The following NEGR1 variants were observed in gnomAD, a reference collection of about 807,000 sequenced individuals.
The protein encoded by NEGR1 is neuronal growth regulator 1.
Under a neutral mutation model 40.9 loss-of-function variants are expected in NEGR1, and 10 were observed. That is an observed-to-expected ratio of 0.24 (90% CI 0.15 to 0.42). The LOEUF is 0.42. Among genes scored for constraint, NEGR1 ranks in the 10% least tolerant of loss-of-function variants. The probability of loss-of-function intolerance (pLI) is 1.00; values close to 1 mark genes in which losing one functional copy is unlikely to be tolerated. For synonymous variants in NEGR1, 185 were observed against 166.8 expected (o/e 1.11, Z -0.84); for missense variants, 352 against 438.9 (o/e 0.80, Z 1.77).
At chr1:72,062,503 T>C (rs1647194421) in intron 1 of NEGR1, among the ~76,000 whole-genome samples, 1 of 151,948 alleles carries the variant, frequency 6.6e-6, no homozygotes, top group Non-Finnish European at 1.5e-5. Context: ...TCACCTAGAA[T>C]AGTGTGAAGA....
At chr1:71,897,666 C>T (rs1265330519) in intron 2 of NEGR1, among the ~76,000 whole-genome samples, 1 of 152,058 alleles carries the variant, frequency 6.6e-6, no homozygotes, top group Admixed American at 6.6e-5. Flanking sequence ...TGAAAATTTG[C>T]TAATGGTATA....
intron 1 of NEGR1, among the ~76,000 whole-genome samples, chr1:72,208,568 G>A (rs951394764): frequency 2.0e-5 from 3 of 151,422 alleles, no homozygotes; most frequent in Non-Finnish European, 4.4e-5. Flanking sequence ...CAAAAATATA[G>A]TGATTTAGAC....
intron 4 of NEGR1, among the ~76,000 whole-genome samples, chr1:71,616,181 C>T (rs549820441): frequency 6.6e-6 from 1 of 152,242 alleles, no homozygotes; most frequent in South Asian, 2.1e-4. Flanking sequence ...TGTTAGGAAC[C>T]GGGCCTGTTA....
intron 1 of NEGR1, among the ~76,000 whole-genome samples, chr1:72,266,694 AGTGT>A (rs1161377457): frequency 7.0e-6 from 1 of 143,336 alleles, no homozygotes; most frequent in Non-Finnish European, 1.5e-5. Context: ...AAATGTACCA[AGTGT>A]GTGTGTATAT....
At position 71,781,157 on chromosome 1, in the gene NEGR1, G is replaced by A. The variant is rs183499939; in HGVS notation, c.410-4860C>T. On this transcript the variant is annotated intron_variant, in intron 2 of 6. Transcript: ENST00000357731. ...TTAATTTCTTTCAAGAATTCATCAT[G>A]CTGCCTGCAACATGACCATTAACAG... Among the ~76,000 whole-genome samples the A allele has an allele frequency of 1.4e-3, 207 of 152,248 alleles. 1 individual carries two copies. Among genetic ancestry groups the A allele is most frequent in the Middle Eastern group, 0.01 (3 of 294 alleles).
intron 1 of NEGR1, among the ~76,000 whole-genome samples, chr1:72,233,092 C>G (rs532999097): frequency 6.6e-6 from 1 of 152,140 alleles, no homozygotes; most frequent in South Asian, 2.1e-4. Context: ...TGTAAATACA[C>G]TGAAATACAG....
chr1:71,959,633 A>C (rs563177952), intron 1 of NEGR1, among the ~76,000 whole-genome samples: 2 of 152,254 alleles, frequency 1.3e-5, no homozygotes, highest in South Asian at 2.1e-4. Context: ...TTAATCTTCA[A>C]TTTCATCATC....
intron 2 of NEGR1, among the ~76,000 whole-genome samples, chr1:71,914,139 A>T (rs952600112): frequency 1.3e-5 from 2 of 152,228 alleles, no homozygotes; most frequent in African/African-American, 4.8e-5. Context: ...AACAGGAATT[A>T]ACTCTTTCTT....
intron 1 of NEGR1, among the ~76,000 whole-genome samples, chr1:72,237,421 T>C (rs1654586071): frequency 6.6e-6 from 1 of 151,916 alleles, no homozygotes; most frequent in African/African-American, 2.4e-5. Context: ...AAGTCCAACA[T>C]AAAGGCACCA....
chr1:72,133,308 G>A (rs1341484585), intron 1 of NEGR1, among the ~76,000 whole-genome samples: 2 of 151,958 alleles, frequency 1.3e-5, no homozygotes, highest in Non-Finnish European at 2.9e-5. Context: ...AATTTACTTT[G>A]TACATGCAGA....
intron 2 of NEGR1, among the ~76,000 whole-genome samples, chr1:71,777,043 G>T (rs1183231250): frequency 2.0e-5 from 3 of 152,110 alleles, no homozygotes; most frequent in African/African-American, 4.8e-5. Context: ...TTAGACTAGA[G>T]AAGTTTTTAT....
intron 1 of NEGR1, among the ~76,000 whole-genome samples, chr1:72,134,336 G>A (rs1003300450): frequency 6.6e-5 from 10 of 151,396 alleles, no homozygotes; most frequent in Non-Finnish European, 1.5e-4. Flanking sequence ...CTCCTGAGTA[G>A]CTGGGACTAC....
chr1:71,987,035 G>C (rs758013706), intron 1 of NEGR1, among the ~76,000 whole-genome samples: 2 of 152,144 alleles, frequency 1.3e-5, no homozygotes, highest in Non-Finnish European at 2.9e-5. Context: ...GCAGAATTTT[G>C]AGTGTTTTCT....
intron 1 of NEGR1, among the ~76,000 whole-genome samples, chr1:72,108,488 T>A (rs1337106690): frequency 6.6e-6 from 1 of 151,548 alleles, no homozygotes; most frequent in Non-Finnish European, 1.5e-5. Flanking sequence ...GTTTATAACA[T>A]AACCCTAGAC....
intron 4 of NEGR1, among the ~76,000 whole-genome samples, chr1:71,654,254 G>A (rs1354176855): frequency 6.6e-6 from 1 of 151,940 alleles, no homozygotes; most frequent in Non-Finnish European, 1.5e-5. Context: ...AAACTATTCT[G>A]TATCATACTG....
intron 2 of NEGR1, among the ~76,000 whole-genome samples, chr1:71,932,509 A>C (rs1428339771): frequency 1.3e-5 from 2 of 152,024 alleles, no homozygotes; most frequent in Non-Finnish European, 2.9e-5. Context: ...ATTTATATTA[A>C]TAGCTCTAAG....
intron 1 of NEGR1, among the ~76,000 whole-genome samples, chr1:72,141,170 C>T (rs1009636807): frequency 1.1e-4 from 16 of 151,902 alleles, no homozygotes; most frequent in Non-Finnish European, 2.1e-4. Context: ...ATATGGTGGA[C>T]TTAGGGAGCC....
At chr1:71,636,328 C>T (rs748754271) in intron 4 of NEGR1, among the ~76,000 whole-genome samples, 9 of 152,134 alleles carry the variant, frequency 5.9e-5, no homozygotes, top group Admixed American at 1.3e-4. Flanking sequence ...ATGAGTATTT[C>T]GTACCTTCCT....
chr1:71,534,374 GTTTACA>G (rs1005846542), intron 6 of NEGR1, among the ~76,000 whole-genome samples: 2 of 151,618 alleles, frequency 1.3e-5, no homozygotes, highest in Non-Finnish European at 3.0e-5. Context: ...GGAGACTAAA[GTTTACA>G]TGTGTCCCGT....
Sources: gnomAD v4.1 joint callset for allele counts (sites outside exome capture counted in the v4.1 genomes callset) on GRCh38, gnomAD v4.1.1 for gene constraint, MANE v1.5 for transcripts, NCBI Gene and HGNC (gene_info 2026-07-23, HGNC 2026-07-21) for gene names.